The following PTPRG variants were observed in gnomAD, a reference collection of about 807,000 sequenced individuals.
PTPRG encodes receptor-type tyrosine-protein phosphatase gamma.
Under a neutral mutation model 165.3 loss-of-function variants are expected in PTPRG, and 102 were observed. That is an observed-to-expected ratio of 0.62 (90% CI 0.53 to 0.73). PTPRG has a LOEUF of 0.73. PTPRG is among the 30% of genes least tolerant of loss of function. PTPRG has a pLI of 0.00. For missense variants in PTPRG, 1,866 were observed against 1,861.4 expected, an observed-to-expected ratio of 1.00 and a Z score of -0.05; for synonymous variants, 675 against 669.5, an observed-to-expected ratio of 1.01 and a Z score of -0.13.
In PTPRG at chr3:62,195,791, TTTTG is replaced by T. The variant is rs1000156879; in HGVS notation, c.1327+637_1327+640del. Among the ~76,000 whole-genome samples the T allele has an allele frequency of 9.2e-5, 14 of 151,932 alleles. 1 individual carries two copies. The highest frequency in any genetic ancestry group is 8.4e-4 in the South Asian group (4 of 4,774). ...AGACATAACATTTTAGTGGGATTTT[TTTTG>T]TTTGTTTGTTTGTTTTGAGATGAAG... On this transcript the variant is annotated intron_variant, in intron 10 of 29. Coordinates refer to ENST00000474889, the MANE Select transcript of PTPRG (RefSeq NM_002841.4). The surrounding 1 kb of genome is among the most constrained non-coding windows in gnomAD (Gnocchi z 4.4).
chr3:62,176,825 T>A (rs9820126), intron 8 of PTPRG, among the ~76,000 whole-genome samples: 41,165 of 151,918 alleles, frequency 0.27, 6,106 homozygotes, highest in African/African-American at 0.39. Context: ...AGTGAACGAA[T>A]GAATAAATAA....
chr3:62,226,449 T>C (rs1179580492), intron 13 of PTPRG, among the ~76,000 whole-genome samples: 30 of 152,248 alleles, frequency 2.0e-4, no homozygotes, highest in Admixed American at 2.0e-3. Context: ...TAACTAGTGG[T>C]ACTCACTCAG....
chr3:61,820,865 A>T (rs2035934009), intron 2 of PTPRG, among the ~76,000 whole-genome samples: 1 of 151,690 alleles, frequency 6.6e-6, no homozygotes, highest in African/African-American at 2.4e-5. Flanking sequence ...CACACTGGAG[A>T]GCTTGATTAC....
At chr3:61,659,538 A>T (rs1438430911) in intron 1 of PTPRG, 1 of 835,326 alleles carries the variant, frequency 1.2e-6, no homozygotes, top group African/African-American at 1.9e-5. Flanking sequence ...TTCCCAAAAA[A>T]TCTTAGGAAG....
At chr3:61,755,827 C>T (rs531323009) in intron 2 of PTPRG, among the ~76,000 whole-genome samples, 128 of 152,292 alleles carry the variant, frequency 8.4e-4, no homozygotes, top group Non-Finnish European at 1.5e-3. Flanking sequence ...CTACTAGTGA[C>T]ATAGAACTTC....
chr3:62,157,304 C>A (rs1704575579), intron 7 of PTPRG, 80 bp downstream of exon 7: 3 of 1,408,824 alleles, frequency 2.1e-6, no homozygotes, highest in Admixed American at 1.9e-5. Flanking sequence ...CTAGAGTATA[C>A]CACTAAGGAA....
intron 1 of PTPRG, among the ~76,000 whole-genome samples, chr3:61,683,941 T>C (rs1703535267): frequency 6.6e-6 from 1 of 152,208 alleles, no homozygotes; most frequent in Admixed American, 6.5e-5. Flanking sequence ...AATGTGTTGC[T>C]ATATATTGGT....
chr3:61,847,829 A>C (rs1427970865), intron 2 of PTPRG, among the ~76,000 whole-genome samples: 1 of 152,236 alleles, frequency 6.6e-6, no homozygotes, highest in Admixed American at 6.5e-5. Flanking sequence ...GAAGAGATGC[A>C]GACAGAGGCT....
rs547410919 is a variant in PTPRG at position 62,115,050 on chromosome 3, C to T, written c.616-17552C>T. 3.3e-5 allele frequency among the ~76,000 whole-genome samples: 5 copies of T among 152,324 alleles called. No individual in the cohort carries two copies. The East Asian group carries it at 9.6e-4, about 29-fold the overall frequency. ...TAAACTGGGATTCAACTGACTGTTG[C>T]AATTATACAGAGGCAGAGTTAAAGC... is the stretch of plus-strand genomic sequence containing the variant. On this transcript the variant is annotated intron_variant, in intron 5 of 29. Transcript: ENST00000474889.
At chr3:61,953,343 C>G (rs534908186) in intron 2 of PTPRG, among the ~76,000 whole-genome samples, 2 of 152,182 alleles carry the variant, frequency 1.3e-5, no homozygotes, top group Non-Finnish European at 2.9e-5. Context: ...GATACTGACA[C>G]AGGCACGCAG....
intron 1 of PTPRG, among the ~76,000 whole-genome samples, chr3:61,727,492 A>G (rs2032315783): frequency 6.6e-6 from 1 of 152,238 alleles, no homozygotes; most frequent in African/African-American, 2.4e-5. Context: ...TACAAACAAA[A>G]TGAATACATG....
At chr3:61,796,476 G>A (rs1233586368) in intron 2 of PTPRG, among the ~76,000 whole-genome samples, 1 of 152,184 alleles carries the variant, frequency 6.6e-6, no homozygotes, top group Non-Finnish European at 1.5e-5. Flanking sequence ...AGCCTGAGTG[G>A]GCAGAACTTG....
chr3:62,271,667 G>T lies in PTPRG; in HGVS notation c.3182+112G>T. 1 of 970,384 alleles carries T rather than the reference G, an allele frequency of 1.0e-6. No homozygotes were observed. Among genetic ancestry groups the T allele is most frequent in the East Asian group, 2.7e-5 (1 of 37,512 alleles). 60.1% of individuals were successfully genotyped at this position (970,384 alleles called of 1,614,324 possible). On this transcript the variant is annotated intron_variant, in intron 21 of 29. Transcript: ENST00000474889. This position sits in a 1 kb window ranked among gnomAD's most constrained non-coding sequence, Gnocchi z 4.1. ...TCACTTAGAAGCTGAATCTTCCACT[G>T]GAAACTGGGATGGATAAGACCTATG...
Position 62,222,213 on chromosome 3 carries a change from A to T in PTPRG, c.2288+3230A>T, listed in dbSNP as rs2106896413. Among the ~76,000 whole-genome samples, 2 of 152,344 alleles carry T rather than the reference A, an allele frequency of 1.3e-5. No homozygotes were observed. The highest frequency in any genetic ancestry group is 3.9e-4 in the East Asian group (2 of 5,186). On this transcript the variant is annotated intron_variant, in intron 13 of 29. Coordinates refer to ENST00000474889, the MANE Select transcript of PTPRG (RefSeq NM_002841.4). The surrounding 1 kb of genome is among the most constrained non-coding windows in gnomAD (Gnocchi z 4.5). ...TGCCTTAAAGCTCAAGGGGAAAAAA[A>T]AAAGTTTGATTCATGGAATTGAGAA...
At chr3:62,097,870 A>G (rs905400179) in intron 5 of PTPRG, among the ~76,000 whole-genome samples, 1 of 152,220 alleles carries the variant, frequency 6.6e-6, no homozygotes, top group Non-Finnish European at 1.5e-5. Context: ...TGAGATTCTC[A>G]AAAGCACTTT....
intron 7 of PTPRG, among the ~76,000 whole-genome samples, chr3:62,158,751 C>T (rs1704633234): frequency 6.6e-6 from 1 of 152,154 alleles, no homozygotes; most frequent in South Asian, 2.1e-4. Flanking sequence ...TTTGGCCTCA[C>T]TGCTGTTTTG....
At chr3:62,048,016 T>C (rs1700352278) in intron 4 of PTPRG, among the ~76,000 whole-genome samples, 1 of 152,182 alleles carries the variant, frequency 6.6e-6, no homozygotes, top group African/African-American at 2.4e-5. Flanking sequence ...TTACAATATT[T>C]CATATTGGGA....
chr3:61,616,749 T>G (rs1701309026), intron 1 of PTPRG, among the ~76,000 whole-genome samples: 2 of 152,158 alleles, frequency 1.3e-5, no homozygotes, highest in South Asian at 4.1e-4. Flanking sequence ...TAGATTTCAT[T>G]CTCTCAATTG....
intron 1 of PTPRG, among the ~76,000 whole-genome samples, chr3:61,581,856 C>T (rs1666069464): frequency 6.6e-6 from 1 of 152,152 alleles, no homozygotes; most frequent in African/African-American, 2.4e-5. Flanking sequence ...GTGATCTGCT[C>T]ACCTCAGCCT....
Sources: allele counts gnomAD v4.1 joint callset (sites outside exome capture counted in the v4.1 genomes callset), GRCh38; gene constraint gnomAD v4.1.1; non-coding constraint Gnocchi (gnomAD v3.1); transcripts MANE v1.5; gene names NCBI Gene and HGNC (gene_info 2026-07-23, HGNC 2026-07-21).